Variants in KCNT2 observed in about 807,000 individuals in gnomAD.
KCNT2 encodes the protein potassium sodium-activated channel subfamily T member 2.
In KCNT2, 67 loss-of-function variants were observed where a neutral mutation model predicts 153.8. The ratio of observed to expected loss-of-function variants is 0.44; its 90% CI spans 0.36 to 0.53. The LOEUF is 0.53. Among genes scored for constraint, KCNT2 ranks in the 20% least tolerant of loss-of-function variants. The pLI is 0.00. For synonymous variants in KCNT2, 500 were observed against 458.8 expected, an observed-to-expected ratio of 1.09 and a Z score of -1.15; for missense variants, 975 against 1,354.8, an observed-to-expected ratio of 0.72 and a Z score of 4.40.
At chr1:196,356,265 A>G (rs1667166076) in intron 14 of KCNT2, among the ~76,000 whole-genome samples, 1 of 151,756 alleles carries the variant, frequency 6.6e-6, no homozygotes, top group East Asian at 1.9e-4. Context: ...ATACATATAA[A>G]AGCAATATTA....
At chr1:196,384,657 C>G (rs1489266955) in intron 13 of KCNT2, among the ~76,000 whole-genome samples, 1 of 140,668 alleles carries the variant, frequency 7.1e-6, no homozygotes, top group East Asian at 2.1e-4. Flanking sequence ...GAGCTGAGAT[C>G]TTGCCACACT....
intron 26 of KCNT2, among the ~76,000 whole-genome samples, chr1:196,242,152 G>A (rs1365399492): frequency 6.6e-6 from 1 of 152,026 alleles, no homozygotes; most frequent in Admixed American, 6.6e-5. Context: ...TATGATTACA[G>A]CTATTTTATA....
rs973135667 is a variant in KCNT2, at chr1:196,425,887, A to T, written c.1086T>A (p.Gly362=). 4 of 1,612,362 alleles carry T rather than the reference A, an allele frequency of 2.5e-6. No homozygotes were observed. The African/African-American group carries it at 4.0e-5, about 16-fold the overall frequency. ...ATAGGTCTTGATCTTTAAGGGCTGA[A>T]CCTTGAAGGTAGATAACTCGTTGGG... ...MWSQRVIYLQ[G]SALKDQDLLR... Residue 362 remains glycine, a synonymous_variant, in exon 11 of 28, where the codon GGT becomes GGA. Transcript: ENST00000294725.
chr1:196,578,622 A>G (rs1661654804), intron 1 of KCNT2, among the ~76,000 whole-genome samples: 1 of 152,174 alleles, frequency 6.6e-6, no homozygotes, highest in South Asian at 2.1e-4. Flanking sequence ...AACTTAACGT[A>G]TGAAGAATTC....
chr1:196,574,142 G>A (rs1396712623), intron 1 of KCNT2, among the ~76,000 whole-genome samples: 3 of 151,730 alleles, frequency 2.0e-5, no homozygotes, highest in African/African-American at 7.3e-5. Context: ...TATTTATTCT[G>A]GAGAAAGGAG....
rs762926018 is a variant in KCNT2, at chr1:196,227,885, A to T, written c.*339T>A. 13 of 179,256 alleles carry T rather than the reference A, an allele frequency of 7.3e-5. No individual in the cohort carries two copies. Among genetic ancestry groups the T allele is most frequent in the Non-Finnish European group, 1.4e-4 (12 of 85,348 alleles). 11.1% of individuals were successfully genotyped at this position (179,256 alleles called of 1,614,324 possible). A position where few individuals can be genotyped will look rare whatever the true frequency, so the allele number is the denominator to read the frequency against. Reference sequence around the variant, plus strand: ...CTGTGTCCATTGTGATGCACCAAATATAGTTAGATTTTGTCAACTTCATAA... The same window carrying T: ...CTGTGTCCATTGTGATGCACCAAATTTAGTTAGATTTTGTCAACTTCATAA... On this transcript the variant is annotated 3_prime_UTR_variant, in exon 28 of 28. Coordinates refer to ENST00000294725, the MANE Select transcript of KCNT2 (RefSeq NM_198503.5).
chr1:196,263,342 T>C (rs1213775270), intron 25 of KCNT2, among the ~76,000 whole-genome samples: 2 of 152,082 alleles, frequency 1.3e-5, no homozygotes, highest in Non-Finnish European at 2.9e-5. Context: ...TGCAGGGACA[T>C]GGATGAAGCT....
At chr1:196,352,915 T>C (rs182420642) in intron 14 of KCNT2, among the ~76,000 whole-genome samples, 12 of 152,268 alleles carry the variant, frequency 7.9e-5, no homozygotes, top group Non-Finnish European at 1.5e-5. Flanking sequence ...GTCTTCTCAT[T>C]GGTTTCAAAG....
chr1:196,230,077 A>G, intron 27 of KCNT2, among the ~76,000 whole-genome samples: 1 of 152,068 alleles, frequency 6.6e-6, no homozygotes, highest in East Asian at 1.9e-4. Context: ...CAGATTTTCA[A>G]TTTGGAAGAC....
chr1:196,239,325 C>T (rs1654737816), intron 26 of KCNT2, among the ~76,000 whole-genome samples: 1 of 151,384 alleles, frequency 6.6e-6, no homozygotes, highest in Non-Finnish European at 1.5e-5. Context: ...TAAAATTACT[C>T]ATAAAAACTG....
chr1:196,361,914 A>AGTGTGT (rs34545133), intron 14 of KCNT2, among the ~76,000 whole-genome samples: 211 of 150,612 alleles, frequency 1.4e-3, no homozygotes, highest in South Asian at 0.01. Context: ...TGTGAGTGTG[A>AGTGTGT]GTGTGTGTGT....
At chr1:196,291,816 G>A (rs1660213268) in intron 22 of KCNT2, among the ~76,000 whole-genome samples, 1 of 152,132 alleles carries the variant, frequency 6.6e-6, no homozygotes, top group South Asian at 2.1e-4. Context: ...GGTCATGGTA[G>A]CAACTGGCCA....
At chr1:196,349,856 C>G (rs1029102126) in intron 14 of KCNT2, among the ~76,000 whole-genome samples, 5 of 152,090 alleles carry the variant, frequency 3.3e-5, no homozygotes, top group Middle Eastern at 6.8e-3. Flanking sequence ...ATCCCTCCCC[C>G]CTTCCCCCAG....
At chr1:196,606,090 A>G (rs927654619) in intron 1 of KCNT2, among the ~76,000 whole-genome samples, 1 of 152,222 alleles carries the variant, frequency 6.6e-6, no homozygotes, top group African/African-American at 2.4e-5. Context: ...GAAAGAACAT[A>G]CCGCACAGTT....
chr1:196,380,947 T>G (rs930703550), intron 13 of KCNT2, among the ~76,000 whole-genome samples: 3 of 152,176 alleles, frequency 2.0e-5, no homozygotes, highest in Non-Finnish European at 4.4e-5. Context: ...CCAATTCAGA[T>G]TGTGAGGCAT....
chr1:196,528,961 T>C (rs1486888843), intron 1 of KCNT2, among the ~76,000 whole-genome samples: 1 of 152,054 alleles, frequency 6.6e-6, no homozygotes, highest in Non-Finnish European at 1.5e-5. Context: ...CTCCTGAATA[T>C]GAATCTTAAA....
At chr1:196,344,638 G>A (rs1665980274) in intron 14 of KCNT2, among the ~76,000 whole-genome samples, 2 of 152,218 alleles carry the variant, frequency 1.3e-5, no homozygotes, top group East Asian at 3.9e-4. Context: ...GCCAGCATGA[G>A]GTCAACTAAT....
intron 1 of KCNT2, among the ~76,000 whole-genome samples, chr1:196,568,144 C>T (rs1370260307): frequency 2.0e-5 from 3 of 152,106 alleles, no homozygotes; most frequent in African/African-American, 4.8e-5. Flanking sequence ...CTTTTTGGCA[C>T]CAGAGACTAG....
chr1:196,480,715 G>A (rs993958942), intron 4 of KCNT2, among the ~76,000 whole-genome samples: 3 of 151,706 alleles, frequency 2.0e-5, no homozygotes, highest in Admixed American at 6.6e-5. Flanking sequence ...AAGTAGCCGG[G>A]CGTGGTGGCG....
Sources: gnomAD v4.1 joint callset for allele counts (sites outside exome capture counted in the v4.1 genomes callset) on GRCh38, gnomAD v4.1.1 for gene constraint, MANE v1.5 for transcripts, NCBI Gene and HGNC (gene_info 2026-07-23, HGNC 2026-07-21) for gene names.